The following GNMT variants were observed in gnomAD, a reference collection of about 807,000 sequenced individuals.
GNMT encodes the protein epididymis secretory sperm binding protein Li 182mP.
In GNMT, 26 loss-of-function variants were observed where a neutral mutation model predicts 30.2. The observed-to-expected ratio is 0.86, with a 90% CI of 0.63 to 1.19. GNMT has a LOEUF of 1.19. Among genes scored for constraint, GNMT ranks in the 50% most tolerant of loss-of-function variants. The pLI is 0.00. For synonymous variants in GNMT, 163 were observed against 163.8 expected, an observed-to-expected ratio of 1.00 and a Z score of 0.04; for missense variants, 365 against 398.1, an observed-to-expected ratio of 0.92 and a Z score of 0.71.
intron 1 of GNMT, among the ~76,000 whole-genome samples, chr6:42,961,182 C>T (rs1272838663): frequency 6.6e-6 from 1 of 152,148 alleles, no homozygotes; most frequent in Non-Finnish European, 1.5e-5. Context: ...GGTAGCGGTT[C>T]GCAGGGAGAG....
rs949812301 is a variant in GNMT, at chr6:42,963,631, C to T, written c.813C>T (p.Gly271=). 13 of 1,614,028 alleles carry T rather than the reference C, an allele frequency of 8.1e-6. No individual in the cohort carries two copies. Among genetic ancestry groups the T allele is most frequent in the East Asian group, 4.5e-5 (2 of 44,902 alleles). The change falls in exon 6 of 6, where the codon GGC becomes GGT. Residue 271 remains glycine, a synonymous_variant. Coordinates refer to ENST00000372808, the MANE Select transcript of GNMT (RefSeq NM_018960.6). The stretch of plus-strand genomic sequence containing the variant: ...GTAAGTGCCAGCACAGCGTCCTGGG[C>T]GACTTCAAGCCTTACAAGCCAGGCC... ...FGGKCQHSVL[G]DFKPYKPGQT...
rs1296363643 is a variant in GNMT, at chr6:42,963,619, C to T, written c.801C>T (p.His267=). The stretch of plus-strand genomic sequence containing the variant: ...CAGCCTTCGGAGGTAAGTGCCAGCA[C>T]AGCGTCCTGGGCGACTTCAAGCCTT... ...LQAAFGGKCQ[H]SVLGDFKPYK... The change falls in exon 6 of 6, where the codon CAC becomes CAT. Residue 267 remains histidine, a synonymous_variant. Transcript: ENST00000372808. The T allele has an allele frequency of 6.2e-7, 1 of 1,614,066 alleles. No individual in the cohort carries two copies. The highest frequency in any genetic ancestry group is 1.7e-5 in the Admixed American group (1 of 60,004).
At chr6:42,962,914 C>T in intron 3 of GNMT, 36 bp downstream of exon 3, 1 of 1,582,208 alleles carries the variant, frequency 6.3e-7, no homozygotes, top group South Asian at 1.1e-5. Flanking sequence ...TGGCCCCCGC[C>T]TTGAGGCCCC....
chr6:42,960,857 G>A lies in GNMT; in HGVS notation c.90G>A (p.Val30=). The A allele has an allele frequency of 6.4e-7, 1 of 1,555,656 alleles. No homozygotes were observed. The highest frequency in any genetic ancestry group is 1.2e-5 in the South Asian group (1 of 84,852). The change falls in exon 1 of 6, where the codon GTG becomes GTA. Residue 30 remains valine, a synonymous_variant. Transcript: ENST00000372808. ...ACGCGGACGGGGAGGCGGCGCGCGT[G>A]TGGCAGCTGTATATCGGAGACACCC... ...DQYADGEAAR[V]WQLYIGDTRS...
At chr6:42,962,384 A>G in intron 2 of GNMT, 45 bp downstream of exon 2, 2 of 1,608,928 alleles carry the variant, frequency 1.2e-6, no homozygotes, top group Non-Finnish European at 1.7e-6. Context: ...CACCAGGAAC[A>G]CTGTTCATTC....
rs201991849 is a variant in GNMT, at chr6:42,963,601, C to T, written c.783C>T (p.Phe261=). The T allele has an allele frequency of 5.0e-6, 8 of 1,614,054 alleles. No individual in the cohort carries two copies. Among genetic ancestry groups the T allele is most frequent in the African/African-American group, 2.7e-5 (2 of 74,930 alleles). The change falls in exon 6 of 6, where the codon TTC becomes TTT. Residue 261 remains phenylalanine (F), a synonymous_variant. Coordinates refer to ENST00000372808, the MANE Select transcript of GNMT (RefSeq NM_018960.6). ...TCACGGAGCTGCTCCAAGCAGCCTTCGGAGGTAAGTGCCAGCACAGCGTCC... is the reference window on the plus strand; with the variant it reads ...TCACGGAGCTGCTCCAAGCAGCCTTTGGAGGTAAGTGCCAGCACAGCGTCC... ...ASFTELLQAA[F]GGKCQHSVLG...
In GNMT at chr6:42,960,984, G is replaced by C; in HGVS notation, c.206+11G>C. ...AGCCTGTGGCACTGGGTGAGCCCAG[G>C]CCGGGGCCGGGGGCGTTGCATGAGA... is the stretch of plus-strand genomic sequence containing the variant. On this transcript the variant is annotated intron_variant, in intron 1 of 5. Transcript: ENST00000372808. The C allele has an allele frequency of 1.3e-6, 2 of 1,537,818 alleles. No individual in the cohort carries two copies. The highest frequency in any genetic ancestry group is 1.7e-6 in the Non-Finnish European group (2 of 1,146,272).
At chr6:42,961,849 G>A (rs1478256754) in intron 1 of GNMT, among the ~76,000 whole-genome samples, 5 of 152,002 alleles carry the variant, frequency 3.3e-5, no homozygotes, top group East Asian at 1.9e-4. Context: ...CACCGCGCCC[G>A]GCTTTGTCCT....
intron 1 of GNMT, among the ~76,000 whole-genome samples, chr6:42,961,464 A>G (rs1183947031): frequency 6.6e-6 from 1 of 152,114 alleles, no homozygotes; most frequent in East Asian, 1.9e-4. Flanking sequence ...AGGCCTCAGC[A>G]AAGTAAAATT....
chr6:42,962,207 C>T lies in GNMT; in HGVS notation c.207-5C>T, dbSNP rs758388204. The T allele has an allele frequency of 1.9e-4, 307 of 1,613,982 alleles. 1 individual carries two copies. Among genetic ancestry groups the T allele is most frequent in the Admixed American group, 1.8e-3 (109 of 59,986 alleles). On this transcript the variant is annotated splice_polypyrimidine_tract_variant and splice_region_variant and intron_variant, in intron 1 of 5. Transcript: ENST00000372808. ...TCTCTGCCTCTCCTCGCTGGCCGTA[C>T]TCAGGGTGGACTCCATTATGCTGGT...
chr6:42,962,041 T>C (rs1441083205), intron 1 of GNMT, among the ~76,000 whole-genome samples, 171 bp from the exon 2 acceptor site: 3 of 152,144 alleles, frequency 2.0e-5, no homozygotes, highest in Non-Finnish European at 4.4e-5. Flanking sequence ...AAAGTTGCCT[T>C]GTGGTGACAG....
intron 1 of GNMT, 42 bp from the exon 2 acceptor site, chr6:42,962,170 C>A (rs1360324727): frequency 1.9e-6 from 3 of 1,613,700 alleles, no homozygotes; most frequent in South Asian, 1.1e-5. Flanking sequence ...CCCAGGCTCC[C>A]CTAACTGCCT....
In GNMT at chr6:42,961,208, GAC is replaced by G. The variant is rs140175143; in HGVS notation, c.206+236_206+237del. On this transcript the variant is annotated intron_variant, in intron 1 of 5. Coordinates refer to ENST00000372808, the MANE Select transcript of GNMT (RefSeq NM_018960.6). Reference sequence around the variant, plus strand: ...GCAGGGAGAGGCCCCGGAGAAGGGAGACTGAGTGTGAGTGAGGGTGTGGGCAG... The same window carrying G: ...GCAGGGAGAGGCCCCGGAGAAGGGAGTGAGTGTGAGTGAGGGTGTGGGCAG... Among the ~76,000 whole-genome samples, 23 of 152,356 alleles carry G rather than the reference GAC, an allele frequency of 1.5e-4. No homozygotes were observed. The East Asian group carries it at 4.2e-3, about 28-fold the overall frequency.
At position 42,962,253 on chromosome 6, in the gene GNMT, C is replaced by T. The variant is rs754730549; in HGVS notation, c.248C>T (p.Thr83Met). ...IMLVEEGFSV[T>M]SVDASDKMLK... ...CTGGTGGAAGAGGGCTTCAGTGTGACGAGTGTGGATGCCAGTGACAAGATG... is the reference window on the plus strand; with the variant it reads ...CTGGTGGAAGAGGGCTTCAGTGTGATGAGTGTGGATGCCAGTGACAAGATG... Residue 83 changes from threonine to methionine, a missense_variant, in exon 2 of 6, where the codon ACG becomes ATG. Thr to Met is a moderately conservative substitution (Grantham distance 81, BLOSUM62 -1). Coordinates refer to ENST00000372808, the MANE Select transcript of GNMT (RefSeq NM_018960.6). 1.1e-5 allele frequency: 17 copies of T among 1,614,008 alleles called. No individual in the cohort carries two copies. Among genetic ancestry groups the T allele is most frequent in the East Asian group, 2.2e-5 (1 of 44,866 alleles).
rs1351789614 is a variant in GNMT at position 42,960,955 on chromosome 6, A to C, written c.188A>C (p.Asp63Ala). The C allele has an allele frequency of 6.4e-7, 1 of 1,561,492 alleles. No individual in the cohort carries two copies. The highest frequency in any genetic ancestry group is 2.3e-5 in the East Asian group (1 of 42,628). Reference sequence around the variant, plus strand: ...CAGCACGGCTGCCAGCGGGTGCTCGACGTAGCCTGTGGCACTGGGTGAGCC... The same window carrying C: ...CAGCACGGCTGCCAGCGGGTGCTCGCCGTAGCCTGTGGCACTGGGTGAGCC... The part of the protein sequence containing the change: ...LRQHGCQRVL[D>A]VACGTGVDSI... The change falls in exon 1 of 6, where the codon GAC (aspartate) becomes GCC (alanine). Residue 63 changes from aspartate (D) to alanine (A), a missense_variant. Transcript: ENST00000372808.
chr6:42,962,553 C>T (rs1028072024), intron 2 of GNMT, among the ~76,000 whole-genome samples: 7 of 152,046 alleles, frequency 4.6e-5, no homozygotes, highest in African/African-American at 1.7e-4. Context: ...GGCATCTTGT[C>T]CCTCCCCTCA....
chr6:42,962,910 C>T (rs1038813337), intron 3 of GNMT, 32 bp downstream of exon 3: 1 of 1,586,088 alleles, frequency 6.3e-7, no homozygotes, highest in African/African-American at 1.3e-5. Flanking sequence ...GGCATGGCCC[C>T]CGCCTTGAGG....
In GNMT at chr6:42,960,754, A is replaced by C; in HGVS notation, c.-14A>C. ...GTGCGGAGCGGGTGGCTGCGGAGCC[A>C]GGCGCGGCGCAGGATGGTGGACAGC... On this transcript the variant is annotated 5_prime_UTR_variant, in exon 1 of 6. Coordinates refer to ENST00000372808, the MANE Select transcript of GNMT (RefSeq NM_018960.6). 6.7e-7 allele frequency: 1 copy of C among 1,498,050 alleles called. No homozygotes were observed. 92.8% of individuals were successfully genotyped at this position (1,498,050 alleles called of 1,614,324 possible).
Position 42,960,786 on chromosome 6 carries a change from C to A in GNMT, c.19C>A (p.Arg7=). Residue 7 remains arginine (R), a synonymous_variant, in exon 1 of 6, where the codon CGG becomes AGG. Transcript: ENST00000372808. ...GCGCAGGATGGTGGACAGCGTGTAC[C>A]GGACCCGCTCCCTGGGGGTGGCGGC... MVDSVY[R]TRSLGVAAEG... is the part of the protein sequence containing the mutation. The A allele has an allele frequency of 1.3e-6, 2 of 1,546,718 alleles. No individual in the cohort carries two copies. The highest frequency in any genetic ancestry group is 1.7e-6 in the Non-Finnish European group (2 of 1,147,036).
Sources: gnomAD v4.1 joint callset for allele counts (sites outside exome capture counted in the v4.1 genomes callset) on GRCh38, gnomAD v4.1.1 for gene constraint, MANE v1.5 for transcripts, NCBI Gene and HGNC (gene_info 2026-07-23, HGNC 2026-07-21) for gene names.